Variants in LRP1B observed in about 807,000 individuals in gnomAD.
LRP1B encodes the protein low-density lipoprotein receptor-related protein 1B.
In LRP1B, 217 loss-of-function variants were observed where a neutral mutation model predicts 556.6. That is an observed-to-expected ratio of 0.39 (90% CI 0.35 to 0.44). The LOEUF is 0.44. Ranked by LOEUF, LRP1B falls within the 20% of genes least tolerant of loss-of-function variation. The probability of loss-of-function intolerance (pLI) is 1.00; values close to 1 mark genes in which losing one functional copy is unlikely to be tolerated. For missense variants in LRP1B, 5,053 were observed against 5,620.8 expected (o/e 0.90, Z 3.23); for synonymous variants, 2,047 against 1,865.8 (o/e 1.10, Z -2.50).
chr2:140,653,391 A>C (rs551226670), intron 41 of LRP1B, among the ~76,000 whole-genome samples: 1 of 152,244 alleles, frequency 6.6e-6, no homozygotes, highest in African/African-American at 2.4e-5. Context: ...AAGTACTATA[A>C]GCAAAGGAGA....
chr2:140,405,333 A>C (rs1254824764), intron 66 of LRP1B, among the ~76,000 whole-genome samples: 1 of 152,200 alleles, frequency 6.6e-6, no homozygotes, highest in African/African-American at 2.4e-5. Flanking sequence ...AACTAAACCC[A>C]AAGCCAGCAG....
rs2105456286 is a variant in LRP1B at position 141,055,272 on chromosome 2, A to G, written c.1409-13T>C. Reference sequence around the variant, plus strand: ...GCATGGCTTCTGACTACAACAAATAAAAAACAGCATGCGTGAAATTCAAGT... The same window carrying G: ...GCATGGCTTCTGACTACAACAAATAGAAAACAGCATGCGTGAAATTCAAGT... On this transcript the variant is annotated splice_polypyrimidine_tract_variant and intron_variant, in intron 9 of 90. Coordinates refer to ENST00000389484, the MANE Select transcript of LRP1B (RefSeq NM_018557.3). The G allele has an allele frequency of 2.5e-6, 4 of 1,599,300 alleles. No homozygotes were observed. The highest frequency in any genetic ancestry group is 3.4e-6 in the Non-Finnish European group (4 of 1,173,026).
chr2:140,667,618 T>C (rs1685324259), intron 41 of LRP1B, among the ~76,000 whole-genome samples: 1 of 152,236 alleles, frequency 6.6e-6, no homozygotes, highest in Non-Finnish European at 1.5e-5. Flanking sequence ...TCTTTCAAAA[T>C]CCATGTGTTC....
At chr2:140,896,488 A>G (rs1357047336) in intron 23 of LRP1B, among the ~76,000 whole-genome samples, 2 of 152,146 alleles carry the variant, frequency 1.3e-5, no homozygotes, top group African/African-American at 4.8e-5. Context: ...AATCATGGCT[A>G]TAATTTGAAA....
chr2:142,003,541 C>A (rs1702718498), intron 1 of LRP1B, among the ~76,000 whole-genome samples: 1 of 152,128 alleles, frequency 6.6e-6, no homozygotes, highest in South Asian at 2.1e-4. Flanking sequence ...GAAGCAATGA[C>A]CCTGAGTGAG....
chr2:140,766,341 C>T (rs918245959), intron 35 of LRP1B, among the ~76,000 whole-genome samples: 1 of 151,928 alleles, frequency 6.6e-6, no homozygotes, highest in Admixed American at 6.6e-5. Flanking sequence ...TTGTATATCA[C>T]CACTATAAAG....
At chr2:141,566,670 C>T (rs1686342637) in intron 2 of LRP1B, among the ~76,000 whole-genome samples, 1 of 152,068 alleles carries the variant, frequency 6.6e-6, no homozygotes, top group African/African-American at 2.4e-5. Context: ...TACCACATCC[C>T]CTTTCTCATT....
chr2:141,289,444 T>A (rs1319590776), intron 3 of LRP1B, among the ~76,000 whole-genome samples: 1 of 144,100 alleles, frequency 6.9e-6, no homozygotes, highest in Non-Finnish European at 1.5e-5. Context: ...GGGTATATTA[T>A]AATAATCTCA....
intron 2 of LRP1B, among the ~76,000 whole-genome samples, chr2:141,588,376 G>C (rs973565023): frequency 6.6e-6 from 1 of 151,936 alleles, no homozygotes; most frequent in Admixed American, 6.6e-5. Context: ...AAGCTACTTA[G>C]AGAAGGGACT....
At chr2:140,328,599 C>A (rs1558805488) in intron 79 of LRP1B, among the ~76,000 whole-genome samples, 1 of 151,844 alleles carries the variant, frequency 6.6e-6, no homozygotes, top group Non-Finnish European at 1.5e-5. Flanking sequence ...AAAATTATAT[C>A]CATTCTGTTT....
Position 140,770,868 on chromosome 2 carries a change from C to A in LRP1B, c.5626+13G>T. On this transcript the variant is annotated intron_variant, in intron 34 of 90. Coordinates refer to ENST00000389484, the MANE Select transcript of LRP1B (RefSeq NM_018557.3). ...TAAATGAACCAGAGGTAAGGTTTTT[C>A]ATGAACTCATACCTTGACATGACAT... 1 of 1,537,374 alleles carries A rather than the reference C, an allele frequency of 6.5e-7. No individual in the cohort carries two copies. Among genetic ancestry groups the A allele is most frequent in the Non-Finnish European group, 8.7e-7 (1 of 1,149,602 alleles).
At chr2:141,290,962 T>C (rs1454351251) in intron 3 of LRP1B, among the ~76,000 whole-genome samples, 5 of 152,108 alleles carry the variant, frequency 3.3e-5, no homozygotes, top group Non-Finnish European at 7.4e-5. Context: ...GTGTATAAGA[T>C]ATGTTATTTT....
At chr2:141,523,002 C>A (rs76692382) in intron 2 of LRP1B, among the ~76,000 whole-genome samples, 1 of 152,090 alleles carries the variant, frequency 6.6e-6, no homozygotes, top group Non-Finnish European at 1.5e-5. Flanking sequence ...TCCTGGAGAA[C>A]AATTCCTGTA....
intron 85 of LRP1B, among the ~76,000 whole-genome samples, chr2:140,272,986 A>C (rs574885022): frequency 6.6e-6 from 1 of 152,064 alleles, no homozygotes; most frequent in South Asian, 2.1e-4. Flanking sequence ...GTTTTGGAGA[A>C]GGGACTTTTG....
chr2:141,583,614 A>T (rs1168783147), intron 2 of LRP1B, among the ~76,000 whole-genome samples: 1 of 151,736 alleles, frequency 6.6e-6, no homozygotes, highest in African/African-American at 2.4e-5. Flanking sequence ...TATTACAAAT[A>T]AAAGTATGTA....
intron 83 of LRP1B, among the ~76,000 whole-genome samples, chr2:140,298,742 G>GT (rs1683702749): frequency 6.6e-6 from 1 of 152,118 alleles, no homozygotes; most frequent in Non-Finnish European, 1.5e-5. Context: ...CCTGTATGGT[G>GT]TTTTGAACAT....
intron 66 of LRP1B, among the ~76,000 whole-genome samples, chr2:140,405,688 T>C (rs55690317): frequency 0.11 from 16,938 of 152,010 alleles, 1,036 homozygotes; most frequent in African/African-American, 0.17. Flanking sequence ...TAACAAGCTG[T>C]GAGATTAAGT....
At position 141,233,053 on chromosome 2, in the gene LRP1B, G is replaced by A. The variant is rs112515091; in HGVS notation, c.593-3613C>T. 5.2e-3 allele frequency among the ~76,000 whole-genome samples: 791 copies of A among 152,240 alleles called. 8 individuals carry two copies. Among genetic ancestry groups the A allele is most frequent in the Non-Finnish European group, 8.0e-3 (547 of 68,020 alleles). On this transcript the variant is annotated intron_variant, in intron 5 of 90. Coordinates refer to ENST00000389484, the MANE Select transcript of LRP1B (RefSeq NM_018557.3). ...TGAAGAGCACCAGCTTGGGTAAGGT[G>A]GATATAAGACTGACCAGAATAAATG...
At chr2:141,102,965 A>G (rs1050364319) in intron 7 of LRP1B, among the ~76,000 whole-genome samples, 1 of 152,144 alleles carries the variant, frequency 6.6e-6, no homozygotes, top group Admixed American at 6.6e-5. Context: ...GTTAATAACA[A>G]GATAATCTTT....
Sources: gnomAD v4.1 joint callset for allele counts (sites outside exome capture counted in the v4.1 genomes callset) on GRCh38, gnomAD v4.1.1 for gene constraint, MANE v1.5 for transcripts, NCBI Gene and HGNC (gene_info 2026-07-23, HGNC 2026-07-21) for gene names.